Variants in GPC5 observed in about 807,000 individuals in gnomAD.
The protein encoded by GPC5 is glypican 5.
GPC5 carries 47 observed loss-of-function variants against 53.9 expected under a neutral mutation model. The observed-to-expected ratio is 0.87, with a 90% CI of 0.69 to 1.11. GPC5 has a LOEUF of 1.11. GPC5 is among the 50% of genes most tolerant of loss of function. The probability of loss-of-function intolerance (pLI) is 0.00; values close to 1 mark genes in which losing one functional copy is unlikely to be tolerated. For synonymous variants in GPC5, 286 were observed against 263.3 expected (o/e 1.09, Z -0.84); for missense variants, 748 against 713.1 (o/e 1.05, Z -0.56).
At chr13:92,236,199 T>A (rs1226988945) in intron 7 of GPC5, among the ~76,000 whole-genome samples, 1 of 152,088 alleles carries the variant, frequency 6.6e-6, no homozygotes, top group Non-Finnish European at 1.5e-5. Flanking sequence ...AGACTGCATG[T>A]CTGTGTACTA....
intron 7 of GPC5, among the ~76,000 whole-genome samples, chr13:92,285,923 C>T (rs952084634): frequency 8.0e-5 from 12 of 150,346 alleles, no homozygotes; most frequent in Admixed American, 2.0e-4. Flanking sequence ...TTCTGCACAG[C>T]AAAAAAAAAC....
chr13:92,784,471 G>A (rs1322398814), intron 7 of GPC5, among the ~76,000 whole-genome samples: 1 of 151,814 alleles, frequency 6.6e-6, no homozygotes, highest in Non-Finnish European at 1.5e-5. Flanking sequence ...TTTACTCACA[G>A]TCTCCCTTTT....
intron 7 of GPC5, among the ~76,000 whole-genome samples, chr13:92,173,792 G>T (rs1357061612): frequency 1.3e-5 from 2 of 152,102 alleles, no homozygotes; most frequent in Admixed American, 1.3e-4. Context: ...ACAAATATTT[G>T]CAGAATGTGG....
At chr13:92,703,043 C>CATAT (rs35274895) in intron 7 of GPC5, among the ~76,000 whole-genome samples, 135 of 139,824 alleles carry the variant, frequency 9.7e-4, no homozygotes, top group African/African-American at 3.1e-3. Flanking sequence ...CTATACCTGG[C>CATAT]ATATATATAT....
chr13:91,668,729 G>T (rs186400715), intron 2 of GPC5, among the ~76,000 whole-genome samples: 97 of 152,236 alleles, frequency 6.4e-4, no homozygotes, highest in African/African-American at 1.9e-3. Context: ...TAAAAGTCCA[G>T]TTGGTTCTTA....
intron 7 of GPC5, among the ~76,000 whole-genome samples, chr13:92,608,037 T>C (rs1884311749): frequency 6.6e-6 from 1 of 152,190 alleles, no homozygotes; most frequent in Non-Finnish European, 1.5e-5. Flanking sequence ...CATTTTCTTT[T>C]CTCTAGCTTA....
chr13:92,430,751 A>C (rs1269059089), intron 7 of GPC5, among the ~76,000 whole-genome samples: 1 of 152,156 alleles, frequency 6.6e-6, no homozygotes, highest in Admixed American at 6.6e-5. Flanking sequence ...ACTTTCTGAA[A>C]GAGAATACAA....
At chr13:92,558,783 A>G (rs1882591705) in intron 7 of GPC5, among the ~76,000 whole-genome samples, 1 of 151,956 alleles carries the variant, frequency 6.6e-6, no homozygotes, top group Non-Finnish European at 1.5e-5. Context: ...TAGTAATAGA[A>G]AAAAAGATAA....
At chr13:92,034,691 C>A (rs895438701) in intron 6 of GPC5, among the ~76,000 whole-genome samples, 2 of 151,938 alleles carry the variant, frequency 1.3e-5, no homozygotes, top group Admixed American at 6.6e-5. Context: ...TATTTCATGT[C>A]CTCTCCTGTT....
intron 6 of GPC5, among the ~76,000 whole-genome samples, chr13:92,113,888 G>C (rs2041578722): frequency 6.6e-6 from 1 of 152,022 alleles, no homozygotes; most frequent in African/African-American, 2.4e-5. Flanking sequence ...GAGCAAGATG[G>C]GTTATCTTTG....
chr13:92,457,994 A>G (rs1432284023), intron 7 of GPC5, among the ~76,000 whole-genome samples: 1 of 152,158 alleles, frequency 6.6e-6, no homozygotes, highest in African/African-American at 2.4e-5. Flanking sequence ...GAGGTAATCA[A>G]GAGAAGATGA....
rs141733703 is a variant in GPC5 at position 92,586,104 on chromosome 13, C to T, written c.1562-280178C>T. Among the ~76,000 whole-genome samples, 554 of 152,218 alleles carry T rather than the reference C, an allele frequency of 3.6e-3. 5 individuals are homozygous for T. Among genetic ancestry groups the T allele is most frequent in the African/African-American group, 0.013 (531 of 41,534 alleles). The stretch of plus-strand genomic sequence containing the variant: ...TTAAATGTATTGTGAACATGCAACT[C>T]GTGAAGACTGTAGTGACGGATTAGT... On this transcript the variant is annotated intron_variant, in intron 7 of 7. Transcript: ENST00000377067.
chr13:92,144,576 C>A (rs943129802), intron 6 of GPC5, among the ~76,000 whole-genome samples: 6 of 152,146 alleles, frequency 3.9e-5, no homozygotes, highest in African/African-American at 1.4e-4. Context: ...GGTGTAATTT[C>A]ATTTGCTTCC....
At chr13:91,467,065 A>G (rs60873908) in intron 2 of GPC5, among the ~76,000 whole-genome samples, 2,501 of 152,286 alleles carry the variant, frequency 0.016, 77 homozygotes, top group African/African-American at 0.057. Flanking sequence ...ACTGTGCAGT[A>G]TGAGGACTGC....
chr13:91,481,711 T>A (rs191472070), intron 2 of GPC5, among the ~76,000 whole-genome samples: 2 of 152,294 alleles, frequency 1.3e-5, no homozygotes, highest in East Asian at 3.9e-4. Context: ...TAAAGTGATC[T>A]CATAGCACCT....
At chr13:92,770,282 C>T (rs1029054927) in intron 7 of GPC5, among the ~76,000 whole-genome samples, 1 of 151,872 alleles carries the variant, frequency 6.6e-6, no homozygotes, top group Non-Finnish European at 1.5e-5. Flanking sequence ...GGGGTGGTGG[C>T]TCCTGCCTGT....
chr13:91,489,898 C>A (rs1883838539), intron 2 of GPC5, among the ~76,000 whole-genome samples: 1 of 152,102 alleles, frequency 6.6e-6, no homozygotes, highest in Non-Finnish European at 1.5e-5. Context: ...GACTGTTTTT[C>A]ATGATCACTC....
chr13:92,850,536 C>A (rs1458635106), intron 7 of GPC5, among the ~76,000 whole-genome samples: 7 of 151,982 alleles, frequency 4.6e-5, no homozygotes, highest in Non-Finnish European at 7.4e-5. Flanking sequence ...GAGGTGGAGG[C>A]TGTAGTAAGC....
intron 7 of GPC5, among the ~76,000 whole-genome samples, chr13:92,317,421 A>G (rs2043186522): frequency 6.6e-6 from 1 of 152,080 alleles, no homozygotes; most frequent in Non-Finnish European, 1.5e-5. Context: ...AGAGAAGAGA[A>G]GATTTTATGT....
Sources: gnomAD v4.1 joint callset for allele counts (sites outside exome capture counted in the v4.1 genomes callset) on GRCh38, gnomAD v4.1.1 for gene constraint, MANE v1.5 for transcripts, NCBI Gene and HGNC (gene_info 2026-07-23, HGNC 2026-07-21) for gene names.